TTC7A: variants seen among roughly 807,000 people sequenced by gnomAD.
TTC7A encodes tetratricopeptide repeat domain 7A.
TTC7A carries 110 observed loss-of-function variants against 103.7 expected under a neutral mutation model. The ratio of observed to expected loss-of-function variants is 1.06; its 90% CI spans 0.91 to 1.24. TTC7A has a LOEUF of 1.24. Ranked by LOEUF, TTC7A falls within the 50% of genes most tolerant of loss-of-function variation. TTC7A has a pLI of 0.00. For synonymous variants in TTC7A, 521 were observed against 467.9 expected (o/e 1.11, Z -1.47); for missense variants, 1,340 against 1,116.3 (o/e 1.20, Z -2.86).
chr2:46,985,179 C>T (rs556831343), intron 5 of TTC7A, among the ~76,000 whole-genome samples: 1 of 152,232 alleles, frequency 6.6e-6, no homozygotes, highest in African/African-American at 2.4e-5. Context: ...GTTCCTGTAG[C>T]TCCACCCCCT....
At chr2:47,041,989 C>T (rs924763380) in intron 15 of TTC7A, among the ~76,000 whole-genome samples, 3 of 151,874 alleles carry the variant, frequency 2.0e-5, no homozygotes, top group South Asian at 2.1e-4. Flanking sequence ...CGAAGAAAGA[C>T]GGGATGATTG....
rs1673729373 is a variant in TTC7A, at chr2:46,974,985, A to G, written c.530A>G (p.Glu177Gly). The G allele has an allele frequency of 6.2e-7, 1 of 1,613,806 alleles. No individual in the cohort carries two copies. Among genetic ancestry groups the G allele is most frequent in the Non-Finnish European group, 8.5e-7 (1 of 1,179,852 alleles). The part of the protein sequence containing the change: ...EAFVIKGLSL[E>G]RLPNSIASRF... ...CTTCCTCCCGCAGGCCTCTCTCTGG[A>G]ACGCCTACCCAACTCCATCGCCTCC... Residue 177 changes from glutamate to glycine, a missense_variant, in exon 4 of 20, where the codon GAA becomes GGA. Physicochemically the swap from Glu to Gly is moderately conservative, Grantham distance 98. Transcript: ENST00000319190.
intron 19 of TTC7A, among the ~76,000 whole-genome samples, chr2:47,063,959 G>T (rs1683987601): frequency 6.6e-6 from 1 of 152,252 alleles, no homozygotes; most frequent in Non-Finnish European, 1.5e-5. Flanking sequence ...TGCTCTTAGG[G>T]GCTGGGGACC....
In TTC7A at chr2:46,941,533, C is replaced by T. The variant is rs911541663; in HGVS notation, c.-9C>T. On this transcript the variant is annotated 5_prime_UTR_variant, in exon 1 of 20. Coordinates refer to ENST00000319190, the MANE Select transcript of TTC7A (RefSeq NM_020458.4). This position sits in a 1 kb window ranked among gnomAD's most constrained non-coding sequence, Gnocchi z 4.2. ...TGGCCGCACCTTCCATGACAGCGCC[C>T]GCGAGAAGATGGCTGCGAAGGGCGC... is the stretch of plus-strand genomic sequence containing the variant. The T allele has an allele frequency of 2.6e-5, 41 of 1,551,602 alleles. No homozygotes were observed. Among genetic ancestry groups the T allele is most frequent in the Admixed American group, 3.9e-5 (2 of 51,340 alleles).
chr2:46,916,307 C>A, exon 1 of TTC7A: 1 of 377,316 alleles, frequency 2.7e-6, no homozygotes, highest in Non-Finnish European at 3.6e-6. Flanking sequence ...TGGCCTGCTT[C>A]CAGCGTCTGC....
At chr2:46,974,461 G>C (rs894305278) in intron 3 of TTC7A, among the ~76,000 whole-genome samples, 3 of 152,200 alleles carry the variant, frequency 2.0e-5, no homozygotes, top group Non-Finnish European at 4.4e-5. Flanking sequence ...GATGTAAATT[G>C]ACTGTTGTCT....
At position 47,023,438 on chromosome 2, in the gene TTC7A, A is replaced by G. The variant is rs1367906281; in HGVS notation, c.1541A>G (p.His514Arg). 4 of 1,614,108 alleles carry G rather than the reference A, an allele frequency of 2.5e-6. No homozygotes were observed. Among genetic ancestry groups the G allele is most frequent in the South Asian group, 2.2e-5 (2 of 91,090 alleles). ...CTGAAGTCCAAGCAAGATGAATTGCACCGGAAGGCACTGCAGACGCTGGAG... is the reference window on the plus strand; with the variant it reads ...CTGAAGTCCAAGCAAGATGAATTGCGCCGGAAGGCACTGCAGACGCTGGAG... ...ATLKSKQDEL[H>R]RKALQTLERA... Residue 514 changes from histidine (H) to arginine (R), a missense_variant, in exon 13 of 20, where the codon CAC (histidine) becomes CGC (arginine). His to Arg is a conservative substitution (Grantham distance 29). Transcript: ENST00000319190.
At chr2:46,919,116 G>A (rs1255824547) in intron 2 of TTC7A, among the ~76,000 whole-genome samples, 1 of 152,238 alleles carries the variant, frequency 6.6e-6, no homozygotes, top group East Asian at 1.9e-4. Context: ...GGATTCCAGA[G>A]TGGATGAGAA....
At chr2:47,010,478 T>C (rs1302003675) in intron 10 of TTC7A, among the ~76,000 whole-genome samples, 1 of 152,216 alleles carries the variant, frequency 6.6e-6, no homozygotes, top group Non-Finnish European at 1.5e-5. Flanking sequence ...GTAACATTCG[T>C]GTCTGGCTGT....
rs1160997429 is a variant in TTC7A at position 46,999,225 on chromosome 2, AC to A, written c.1065+4029del. Among the ~76,000 whole-genome samples, 7 of 149,764 alleles carry A rather than the reference AC, an allele frequency of 4.7e-5. No individual in the cohort carries two copies. In the South Asian group the frequency reaches 1.5e-3, roughly 32 times the overall value. ...CACCCATTCATTCATCCGTCTACCC[AC>A]CCACCCACCAACCATGCATCCCCCT... On this transcript the variant is annotated intron_variant, in intron 8 of 19. Coordinates refer to ENST00000319190, the MANE Select transcript of TTC7A (RefSeq NM_020458.4).
At chr2:46,926,225 A>T (rs1669376116) in intron 2 of TTC7A, among the ~76,000 whole-genome samples, 1 of 152,242 alleles carries the variant, frequency 6.6e-6, no homozygotes, top group Non-Finnish European at 1.5e-5. Flanking sequence ...AGAGTGGAGC[A>T]GTGCTAGATG....
upstream of TTC7A, among the ~76,000 whole-genome samples, chr2:46,939,580 G>A (rs1259652299): frequency 1.3e-5 from 2 of 152,156 alleles, no homozygotes; most frequent in African/African-American, 4.8e-5. Context: ...CTACAACCTG[G>A]GGGCAGGGCT....
Position 47,060,749 on chromosome 2 carries a change from C to T in TTC7A, c.2153-20C>T. On this transcript the variant is annotated intron_variant, in intron 18 of 19. Coordinates refer to ENST00000319190, the MANE Select transcript of TTC7A (RefSeq NM_020458.4). ...GACTCCCCACCACTCACACCTCCCA[C>T]TGCCCTTCTGCTTTTGCAGCTGAGC... 1 of 1,579,864 alleles carries T rather than the reference C, an allele frequency of 6.3e-7. No individual in the cohort carries two copies. Among genetic ancestry groups the T allele is most frequent in the Non-Finnish European group, 8.6e-7 (1 of 1,156,752 alleles).
At position 47,074,041 on chromosome 2, in the gene TTC7A, T is replaced by G. The variant is rs1463193032; in HGVS notation, c.*118T>G. The G allele has an allele frequency of 2.7e-6, 2 of 727,906 alleles. No individual in the cohort carries two copies. The highest frequency in any genetic ancestry group is 2.2e-6 in the Non-Finnish European group (1 of 446,136). 45.1% of individuals were successfully genotyped at this position (727,906 alleles called of 1,614,324 possible). A position where few individuals can be genotyped will look rare whatever the true frequency, so the allele number is the denominator to read the frequency against. The stretch of plus-strand genomic sequence containing the variant: ...GGGCCTCAGGGAAATACATCTTTAG[T>G]GAACGCCTCTGCAGCTGCAGCCCTC... On this transcript the variant is annotated 3_prime_UTR_variant, in exon 20 of 20. Transcript: ENST00000319190.
chr2:46,988,028 C>G (rs1222936733), intron 5 of TTC7A, among the ~76,000 whole-genome samples: 1 of 152,160 alleles, frequency 6.6e-6, no homozygotes, highest in Non-Finnish European at 1.5e-5. Context: ...TCTCACAAAT[C>G]TGGGGTTCCA....
chr2:47,021,215 A>T (rs537947113), intron 11 of TTC7A, among the ~76,000 whole-genome samples: 1 of 152,312 alleles, frequency 6.6e-6, no homozygotes, highest in African/African-American at 2.4e-5. Flanking sequence ...ATGAGTGGGC[A>T]TGACAAAGGC....
intron 2 of TTC7A, among the ~76,000 whole-genome samples, chr2:46,955,787 CAG>C (rs1671803441): frequency 1.3e-5 from 2 of 152,182 alleles, no homozygotes; most frequent in African/African-American, 2.4e-5. Context: ...TACAGGGAGA[CAG>C]GGGTAGCACC....
intron 8 of TTC7A, among the ~76,000 whole-genome samples, chr2:47,001,509 C>G (rs1047932777): frequency 6.6e-6 from 1 of 152,120 alleles, no homozygotes; most frequent in Non-Finnish European, 1.5e-5. Context: ...TCATCCCTGC[C>G]CAGGGTTACT....
chr2:46,943,039 G>T (rs981018768), intron 1 of TTC7A, among the ~76,000 whole-genome samples: 1 of 152,126 alleles, frequency 6.6e-6, no homozygotes, highest in African/African-American at 2.4e-5. Flanking sequence ...CCAAGTAGCT[G>T]GGACTACAGG....
Sources: allele counts gnomAD v4.1 joint callset (sites outside exome capture counted in the v4.1 genomes callset), GRCh38; gene constraint gnomAD v4.1.1; non-coding constraint Gnocchi (gnomAD v3.1); transcripts MANE v1.5; gene names NCBI Gene and HGNC (gene_info 2026-07-23, HGNC 2026-07-21).